KCND2: variants seen among roughly 807,000 people sequenced by gnomAD.
KCND2 encodes potassium voltage-gated channel subfamily D member 2, also known as A-type voltage-gated potassium channel KCND2.
KCND2 carries 16 observed loss-of-function variants against 54.4 expected under a neutral mutation model. The observed-to-expected ratio is 0.29, with a 90% CI of 0.20 to 0.45. The LOEUF is 0.45. Among genes scored for constraint, KCND2 ranks in the 20% least tolerant of loss-of-function variants. The probability of loss-of-function intolerance (pLI) is 1.00; values close to 1 mark genes in which losing one functional copy is unlikely to be tolerated. For synonymous variants in KCND2, 317 were observed against 310.7 expected (o/e 1.02, Z -0.21); for missense variants, 486 against 824.2 (o/e 0.59, Z 5.02).
chr7:120,482,991 C>T (rs1167177246), intron 1 of KCND2, among the ~76,000 whole-genome samples: 3 of 152,086 alleles, frequency 2.0e-5, no homozygotes, highest in African/African-American at 7.2e-5. Flanking sequence ...GTGAGAAAAC[C>T]AAGGCTTGGC....
At chr7:120,678,734 G>A (rs1792101848) in intron 1 of KCND2, among the ~76,000 whole-genome samples, 1 of 108,172 alleles carries the variant, frequency 9.2e-6, no homozygotes, top group Non-Finnish European at 1.9e-5. Context: ...GTGGGTGTGT[G>A]AGTGTATATA....
At position 120,336,901 on chromosome 7, in the gene KCND2, G is replaced by A. The variant is rs146634820; in HGVS notation, c.1115+61154G>A. ...ACTAAAATTAAATTTTAAAAAACTGGTCTAATAAATTAGTTTCTCTCCATC... is the reference window on the plus strand; with the variant it reads ...ACTAAAATTAAATTTTAAAAAACTGATCTAATAAATTAGTTTCTCTCCATC... On this transcript the variant is annotated intron_variant, in intron 1 of 5. Transcript: ENST00000331113. Among the ~76,000 whole-genome samples the A allele has an allele frequency of 2.4e-3, 360 of 152,174 alleles. 1 individual carries two copies. Among genetic ancestry groups the A allele is most frequent in the African/African-American group, 8.3e-3 (343 of 41,522 alleles).
chr7:120,693,936 A>G (rs1792302845), intron 1 of KCND2, among the ~76,000 whole-genome samples: 1 of 152,206 alleles, frequency 6.6e-6, no homozygotes, highest in Admixed American at 6.5e-5. Context: ...CTGTAATGCC[A>G]GCTCTTTGGG....
chr7:120,323,178 G>C (rs998442505), intron 1 of KCND2, among the ~76,000 whole-genome samples: 1 of 152,008 alleles, frequency 6.6e-6, no homozygotes, highest in African/African-American at 2.4e-5. Flanking sequence ...CCTGGTGTGT[G>C]ATGTTCTCCT....
chr7:120,511,798 G>A (rs1373512448), intron 1 of KCND2, among the ~76,000 whole-genome samples: 1 of 152,060 alleles, frequency 6.6e-6, no homozygotes, highest in Non-Finnish European at 1.5e-5. Context: ...TACTAATTTA[G>A]AGTTATATAG....
chr7:120,665,480 A>G (rs534392817), intron 1 of KCND2, among the ~76,000 whole-genome samples: 2 of 152,178 alleles, frequency 1.3e-5, no homozygotes, highest in East Asian at 3.9e-4. Flanking sequence ...CGAGTTGAAT[A>G]CCTGTATAGC....
chr7:120,338,179 T>A (rs554087225), intron 1 of KCND2, among the ~76,000 whole-genome samples: 8 of 152,302 alleles, frequency 5.3e-5, no homozygotes, highest in African/African-American at 1.9e-4. Context: ...TTAAATTCAT[T>A]TGTGTCTTAG....
chr7:120,468,234 A>G (rs563484327), intron 1 of KCND2, among the ~76,000 whole-genome samples: 6 of 152,224 alleles, frequency 3.9e-5, no homozygotes, highest in African/African-American at 1.4e-4. Flanking sequence ...ATCCCTCCAA[A>G]TATTAACTAA....
At chr7:120,720,902 C>T (rs1036023462) in intron 1 of KCND2, among the ~76,000 whole-genome samples, 7 of 152,282 alleles carry the variant, frequency 4.6e-5, no homozygotes, top group African/African-American at 1.4e-4. Context: ...GTAAGGTACT[C>T]TGCTCACAAT....
At chr7:120,527,532 G>A (rs1255269514) in intron 1 of KCND2, among the ~76,000 whole-genome samples, 3 of 152,108 alleles carry the variant, frequency 2.0e-5, no homozygotes, top group Non-Finnish European at 2.9e-5. Flanking sequence ...AATGCAGACA[G>A]AAAGAACTCA....
At chr7:120,638,877 G>A (rs1466208922) in intron 1 of KCND2, among the ~76,000 whole-genome samples, 1 of 152,102 alleles carries the variant, frequency 6.6e-6, no homozygotes, top group Admixed American at 6.6e-5. Context: ...TGATAGAGGG[G>A]ACTTGTGGGA....
intron 1 of KCND2, among the ~76,000 whole-genome samples, chr7:120,715,595 C>A (rs966594442): frequency 2.0e-5 from 3 of 152,048 alleles, no homozygotes; most frequent in South Asian, 2.1e-4. Context: ...ACTGTTACTG[C>A]AAAATTATGT....
In KCND2 at chr7:120,433,628, G is replaced by C. The variant is rs558477017; in HGVS notation, c.1115+157881G>C. Among the ~76,000 whole-genome samples the C allele has an allele frequency of 1.0e-3, 156 of 152,248 alleles. 2 individuals are homozygous for C. In the Middle Eastern group the frequency reaches 0.017, roughly 17 times the overall value. On this transcript the variant is annotated intron_variant, in intron 1 of 5. Transcript: ENST00000331113. ...AACCAGCACTATTGCCTGGCATGTAGTAAATGCTCTGTAAGTATTGAATAA... is the reference window on the plus strand; with the variant it reads ...AACCAGCACTATTGCCTGGCATGTACTAAATGCTCTGTAAGTATTGAATAA...
intron 1 of KCND2, among the ~76,000 whole-genome samples, chr7:120,459,571 C>G (rs1418423829): frequency 6.6e-6 from 1 of 152,062 alleles, no homozygotes; most frequent in East Asian, 1.9e-4. Flanking sequence ...CATGTAAGAT[C>G]AATGAAAGCA....
In KCND2 at chr7:120,659,734, G is replaced by A. The variant is rs534925244; in HGVS notation, c.1116-73169G>A. 3.9e-5 allele frequency among the ~76,000 whole-genome samples: 6 copies of A among 152,096 alleles called. No individual in the cohort carries two copies. In the East Asian group the frequency reaches 9.6e-4, roughly 24 times the overall value. On this transcript the variant is annotated intron_variant, in intron 1 of 5. Transcript: ENST00000331113. The stretch of plus-strand genomic sequence containing the variant: ...GGGACATTGGTTCCAGGAACCCCAC[G>A]TATAACAAAATCTTCACATACTGAA...
At chr7:120,334,873 A>G (rs922852925) in intron 1 of KCND2, among the ~76,000 whole-genome samples, 4 of 152,088 alleles carry the variant, frequency 2.6e-5, no homozygotes, top group Admixed American at 2.6e-4. Flanking sequence ...AAAAGTTAGC[A>G]TTTTTTCCTT....
intron 1 of KCND2, among the ~76,000 whole-genome samples, chr7:120,652,392 G>C (rs1791746732): frequency 6.6e-6 from 1 of 152,068 alleles, no homozygotes; most frequent in Non-Finnish European, 1.5e-5. Flanking sequence ...CTATCTTAGG[G>C]GACATGGATC....
At chr7:120,358,412 TG>T (rs931943668) in intron 1 of KCND2, among the ~76,000 whole-genome samples, 39 of 152,288 alleles carry the variant, frequency 2.6e-4, no homozygotes, top group African/African-American at 9.1e-4. Context: ...AATGATCTGT[TG>T]GTGGTACATG....
At chr7:120,509,544 G>T (rs989029341) in intron 1 of KCND2, among the ~76,000 whole-genome samples, 12 of 152,060 alleles carry the variant, frequency 7.9e-5, no homozygotes, top group African/African-American at 2.9e-4. Context: ...GCTTCACAGA[G>T]CTCAAGTTTC....
Sources: allele counts gnomAD v4.1 joint callset (sites outside exome capture counted in the v4.1 genomes callset), GRCh38; gene constraint gnomAD v4.1.1; transcripts MANE v1.5; gene names NCBI Gene and HGNC (gene_info 2026-07-23, HGNC 2026-07-21).